CERS3: variants seen among roughly 807,000 people sequenced by gnomAD.
CERS3 encodes the protein LAG1 homolog, ceramide synthase 3.
A neutral mutation model predicts 50.3 loss-of-function variants in CERS3; 33 were observed. That is an observed-to-expected ratio of 0.66 (90% confidence interval 0.50 to 0.88). The LOEUF (loss-of-function observed/expected upper bound fraction) is 0.88. Among genes scored for constraint, CERS3 ranks in the 40% least tolerant of loss-of-function variants. CERS3 has a pLI of 0.00. For synonymous variants in CERS3, 176 were observed against 155.2 expected (o/e 1.13, Z -0.99); for missense variants, 470 against 460.3 (o/e 1.02, Z -0.19).
intron 1 of CERS3, among the ~76,000 whole-genome samples, chr15:100,540,172 G>A (rs1041905943): frequency 6.6e-6 from 1 of 152,106 alleles, no homozygotes; most frequent in Admixed American, 6.5e-5. Context: ...TGATCACTCT[G>A]ACCTTGGCTC....
intron 11 of CERS3, among the ~76,000 whole-genome samples, chr15:100,431,783 G>C (rs2033148690): frequency 6.6e-6 from 1 of 152,196 alleles, no homozygotes; most frequent in African/African-American, 2.4e-5. Flanking sequence ...TAACTGGTCT[G>C]TGTTGGGACC....
intron 2 of CERS3, among the ~76,000 whole-genome samples, chr15:100,508,083 C>T (rs2036234976): frequency 6.6e-6 from 1 of 152,164 alleles, no homozygotes; most frequent in Non-Finnish European, 1.5e-5. Context: ...CTGATGACTC[C>T]AATTTGGTTG....
chr15:100,438,191 C>T lies in CERS3; in HGVS notation c.999+17702G>A, dbSNP rs553822418. On this transcript the variant is annotated intron_variant, in intron 11 of 11. Coordinates refer to ENST00000679737, the MANE Select transcript of CERS3 (RefSeq NM_001378789.1). ...TCCCAAGTGGCTGGGGTTACAGGCC[C>T]ACACCACCACGCCCAGCTAATTTTT... is the stretch of plus-strand genomic sequence containing the variant. Among the ~76,000 whole-genome samples, 17 of 151,128 alleles carry T rather than the reference C, an allele frequency of 1.1e-4. No individual in the cohort carries two copies. The East Asian group carries it at 3.3e-3, about 29-fold the overall frequency.
At chr15:100,506,049 C>T (rs149035273) in intron 2 of CERS3, among the ~76,000 whole-genome samples, 6 of 150,592 alleles carry the variant, frequency 4.0e-5, no homozygotes, top group East Asian at 4.0e-4. Flanking sequence ...TGTGAGCCAT[C>T]GGGTCTGAGA....
upstream of CERS3, among the ~76,000 whole-genome samples, chr15:100,532,744 G>A (rs2142415903): frequency 6.6e-6 from 1 of 152,320 alleles, no homozygotes; most frequent in African/African-American, 2.4e-5. Flanking sequence ...GGGCGACAGA[G>A]TAAGACCAAA....
intron 11 of CERS3, among the ~76,000 whole-genome samples, chr15:100,435,462 A>G (rs1314888800): frequency 1.3e-5 from 2 of 152,228 alleles, no homozygotes; most frequent in African/African-American, 4.8e-5. Flanking sequence ...CACCTTATAC[A>G]AAAATTAACT....
intron 1 of CERS3, among the ~76,000 whole-genome samples, chr15:100,540,233 G>A (rs1453449544): frequency 6.6e-6 from 1 of 152,112 alleles, no homozygotes; most frequent in Admixed American, 6.5e-5. Context: ...TTTCCTCTGG[G>A]AAACTGCTTC....
intron 4 of CERS3, among the ~76,000 whole-genome samples, chr15:100,485,628 C>A (rs1242679569): frequency 6.6e-6 from 1 of 152,158 alleles, no homozygotes; most frequent in Non-Finnish European, 1.5e-5. Context: ...GTAATCCCAG[C>A]ACTTTGGGAG....
At chr15:100,483,089 A>G (rs1013862633) in intron 5 of CERS3, among the ~76,000 whole-genome samples, 2 of 152,180 alleles carry the variant, frequency 1.3e-5, no homozygotes, top group Non-Finnish European at 2.9e-5. Flanking sequence ...TACTGCCTCA[A>G]ACCTGCTTTC....
intron 3 of CERS3, among the ~76,000 whole-genome samples, chr15:100,494,997 G>T (rs1394674224): frequency 6.6e-6 from 1 of 152,226 alleles, no homozygotes; most frequent in Non-Finnish European, 1.5e-5. Context: ...GTCTTAGACA[G>T]TTATGAAGTT....
chr15:100,405,197 T>A (rs1386860929), intron 11 of CERS3, among the ~76,000 whole-genome samples: 6 of 149,574 alleles, frequency 4.0e-5, no homozygotes, highest in African/African-American at 1.5e-4. Context: ...CATATCCAAT[T>A]TGTATGCATA....
At chr15:100,509,170 A>G (rs1179765238) in intron 2 of CERS3, among the ~76,000 whole-genome samples, 1 of 152,102 alleles carries the variant, frequency 6.6e-6, no homozygotes, top group Non-Finnish European at 1.5e-5. Context: ...TGGGTATAGA[A>G]CCCAATGTGT....
At chr15:100,459,256 A>G (rs1396581705) in intron 10 of CERS3, among the ~76,000 whole-genome samples, 1 of 152,112 alleles carries the variant, frequency 6.6e-6, no homozygotes, top group Non-Finnish European at 1.5e-5. Context: ...TTCTTCCCAA[A>G]TGTTCATTAT....
intron 11 of CERS3, among the ~76,000 whole-genome samples, chr15:100,408,132 A>G (rs1156879156): frequency 6.6e-6 from 1 of 152,180 alleles, no homozygotes; most frequent in Non-Finnish European, 1.5e-5. Flanking sequence ...CTGGCCTCCC[A>G]AAGTGCTGGG....
intron 2 of CERS3, among the ~76,000 whole-genome samples, chr15:100,508,582 G>T (rs1299135129): frequency 2.6e-5 from 4 of 152,176 alleles, no homozygotes; most frequent in African/African-American, 9.7e-5. Flanking sequence ...CAATGATTCT[G>T]TCCTTTAAGG....
chr15:100,402,886 G>C (rs757312919), intron 11 of CERS3, 21 bp from the exon 12 acceptor site: 1 of 1,564,938 alleles, frequency 6.4e-7, no homozygotes, highest in South Asian at 1.2e-5. Context: ...GAAAGAATTG[G>C]CTGTGAGTGA....
chr15:100,533,747 A>G (rs1023615130), upstream of CERS3, among the ~76,000 whole-genome samples: 6 of 151,612 alleles, frequency 4.0e-5, no homozygotes, highest in African/African-American at 1.5e-4. Context: ...TTTAGTAGAG[A>G]CAGGGTTTCA....
At chr15:100,483,922 A>G (rs1217944346) in intron 5 of CERS3, among the ~76,000 whole-genome samples, 1 of 150,578 alleles carries the variant, frequency 6.6e-6, no homozygotes, top group African/African-American at 2.4e-5. Context: ...CTGGGACTAC[A>G]GGCGCCCGCC....
chr15:100,475,646 G>C (rs956393851), intron 8 of CERS3, among the ~76,000 whole-genome samples: 3 of 152,076 alleles, frequency 2.0e-5, no homozygotes, highest in African/African-American at 7.2e-5. Flanking sequence ...CCCGAAGCAA[G>C]GTTTCCTCAT....
Sources: gnomAD v4.1 joint callset for allele counts (sites outside exome capture counted in the v4.1 genomes callset) on GRCh38, gnomAD v4.1.1 for gene constraint, MANE v1.5 for transcripts, NCBI Gene and HGNC (gene_info 2026-07-23, HGNC 2026-07-21) for gene names.